The following FRAS1 variants were observed in gnomAD, a reference collection of about 807,000 sequenced individuals.
FRAS1 encodes the protein Fraser extracellular matrix complex subunit 1.
A neutral mutation model predicts 435.2 loss-of-function variants in FRAS1; 290 were observed. The ratio of observed to expected loss-of-function variants is 0.67; its 90% CI spans 0.61 to 0.73. The LOEUF is 0.73. Ranked by LOEUF, FRAS1 falls within the 30% of genes least tolerant of loss-of-function variation. FRAS1 has a pLI of 0.00. For synonymous variants in FRAS1, 1,800 were observed against 1,851.0 expected, an observed-to-expected ratio of 0.97 and a Z score of 0.71; for missense variants, 4,860 against 5,001.5, an observed-to-expected ratio of 0.97 and a Z score of 0.85.
At chr4:78,238,934 G>C (rs1160548274) in intron 3 of FRAS1, among the ~76,000 whole-genome samples, 1 of 151,972 alleles carries the variant, frequency 6.6e-6, no homozygotes, top group Non-Finnish European at 1.5e-5. Context: ...TTTACATTTT[G>C]AAATGATTGA....
intron 2 of FRAS1, among the ~76,000 whole-genome samples, chr4:78,116,428 G>T (rs911638639): frequency 6.6e-6 from 1 of 152,076 alleles, no homozygotes; most frequent in Non-Finnish European, 1.5e-5. Flanking sequence ...TTGACAGTGG[G>T]GTGTTAAAGT....
At chr4:78,536,756 A>G (rs1376775911) in intron 71 of FRAS1, among the ~76,000 whole-genome samples, 1 of 152,198 alleles carries the variant, frequency 6.6e-6, no homozygotes, top group Non-Finnish European at 1.5e-5. Context: ...ATTAATGCTT[A>G]TTGAAAAAAA....
intron 2 of FRAS1, among the ~76,000 whole-genome samples, chr4:78,075,689 G>A (rs1286667459): frequency 6.6e-6 from 1 of 152,160 alleles, no homozygotes; most frequent in East Asian, 1.9e-4. Context: ...CTGCTGCAAA[G>A]ATAAATGAGT....
At chr4:78,178,964 G>T (rs527241663) in intron 2 of FRAS1, among the ~76,000 whole-genome samples, 8 of 152,150 alleles carry the variant, frequency 5.3e-5, no homozygotes, top group Non-Finnish European at 8.8e-5. Flanking sequence ...TGTTCGAGGG[G>T]AGCGAAGGGC....
At position 78,057,778 on chromosome 4, in the gene FRAS1, C is replaced by G; in HGVS notation, c.-232C>G. ...GTTGGCGTCCTGCCTTGCGGGGGAA[C>G]TCGGCGCGCTCTCTGCCTGAGCAGC... On this transcript the variant is annotated 5_prime_UTR_variant, in exon 1 of 74. Transcript: ENST00000512123. The surrounding 1 kb of genome is among the most constrained non-coding windows in gnomAD (Gnocchi z 4.2). 1 of 546,316 alleles carries G rather than the reference C, an allele frequency of 1.8e-6. No individual in the cohort carries two copies. Among genetic ancestry groups the G allele is most frequent in the East Asian group, 2.9e-5 (1 of 34,306 alleles). The allele number at this position is 546,316 out of a possible 1,614,324, so 33.8% of individuals were successfully genotyped here.
intron 42 of FRAS1, chr4:78,446,374 AGAGTTCT>A: frequency 1.9e-6 from 2 of 1,070,296 alleles, no homozygotes; most frequent in African/African-American, 1.7e-5. Flanking sequence ...ATTTTCTAAG[AGAGTTCT>A]GAGTTATATT....
chr4:78,534,682 C>T (rs188153274), intron 71 of FRAS1, 67 bp downstream of exon 71: 411 of 1,466,144 alleles, frequency 2.8e-4, no homozygotes, highest in Middle Eastern at 5.7e-4. Flanking sequence ...GCTAAGTCAC[C>T]GGACTGGCAT....
chr4:78,086,715 G>T (rs1247816611), intron 2 of FRAS1, among the ~76,000 whole-genome samples: 2 of 152,088 alleles, frequency 1.3e-5, no homozygotes, highest in Non-Finnish European at 2.9e-5. Flanking sequence ...ACCCTCCCAA[G>T]ACCAAACCAG....
chr4:78,255,210 C>A (rs772886757), intron 5 of FRAS1, 32 bp from the exon 6 acceptor site: 3 of 1,551,108 alleles, frequency 1.9e-6, no homozygotes, highest in African/African-American at 2.7e-5. Context: ...AATGCCATCC[C>A]CCTAGTAATC....
intron 44 of FRAS1, among the ~76,000 whole-genome samples, chr4:78,449,657 C>A (rs189986132): frequency 1.4e-3 from 208 of 152,288 alleles, no homozygotes; most frequent in Middle Eastern, 6.8e-3. Flanking sequence ...GATCTCCTTG[C>A]TCCTAACATC....
chr4:78,195,158 C>A (rs1000868919), intron 2 of FRAS1, among the ~76,000 whole-genome samples: 1 of 152,126 alleles, frequency 6.6e-6, no homozygotes, highest in African/African-American at 2.4e-5. Context: ...AGTACCCGGC[C>A]GTGTGAGGTG....
chr4:78,331,765 G>A (rs1729959583), intron 18 of FRAS1, among the ~76,000 whole-genome samples: 1 of 152,156 alleles, frequency 6.6e-6, no homozygotes, highest in Admixed American at 6.5e-5. Context: ...ACTCATTATT[G>A]TATCCCCAGT....
chr4:78,316,488 T>C (rs188112698), intron 16 of FRAS1, among the ~76,000 whole-genome samples: 20 of 152,240 alleles, frequency 1.3e-4, no homozygotes, highest in Admixed American at 3.9e-4. Flanking sequence ...GTTCACCACC[T>C]TTCCTCTGTG....
At position 78,466,401 on chromosome 4, in the gene FRAS1, A is replaced by G. The variant is rs201277074; in HGVS notation, c.7223A>G (p.Asn2408Ser). The G allele has an allele frequency of 1.1e-3, 1,832 of 1,613,582 alleles. 4 individuals carry two copies. Among genetic ancestry groups the G allele is most frequent in the Non-Finnish European group, 1.5e-3 (1,788 of 1,179,796 alleles). Reference sequence around the variant, plus strand: ...ACCTTCACTGTTTCTGATGGGACAAACCCCTTCTTTATCATTGAGGAAGGG... The same window carrying G: ...ACCTTCACTGTTTCTGATGGGACAAGCCCCTTCTTTATCATTGAGGAAGGG... Reference protein sequence around the residue: ...RFTFTVSDGTNPFFIIEEGGK... With the variant: ...RFTFTVSDGTSPFFIIEEGGK... Residue 2408 changes from asparagine (N) to serine (S), a missense_variant, in exon 50 of 74, where the codon AAC becomes AGC. By Grantham distance (46) the Asn-to-Ser change is conservative (BLOSUM62 1). Coordinates refer to ENST00000512123, the MANE Select transcript of FRAS1 (RefSeq NM_025074.7).
Position 78,252,483 on chromosome 4 carries a change from C to T in FRAS1, c.401C>T (p.Ser134Leu), listed in dbSNP as rs753738200. The T allele has an allele frequency of 3.1e-6, 5 of 1,613,720 alleles. No homozygotes were observed. The Admixed American group carries it at 8.3e-5, about 27-fold the overall frequency. ...ACCCCCCAACCATGCCCACCGCTGT[C>T]ATGTGGACACCAGGAGCTGGCATTC... is the stretch of plus-strand genomic sequence containing the variant. ...RCTPQPCPPLSCGHQELAFIP... is the reference protein window; with the variant it reads ...RCTPQPCPPLLCGHQELAFIP... The change falls in exon 5 of 74, where the codon TCA becomes TTA. Residue 134 changes from serine (S) to leucine (L), a missense_variant. Coordinates refer to ENST00000512123, the MANE Select transcript of FRAS1 (RefSeq NM_025074.7).
chr4:78,253,855 T>G (rs1325735108), intron 5 of FRAS1, among the ~76,000 whole-genome samples: 4 of 148,338 alleles, frequency 2.7e-5, no homozygotes, highest in Non-Finnish European at 6.0e-5. Flanking sequence ...GCCTCCTTAG[T>G]GGACAGAAAA....
At chr4:78,267,639 C>A (rs548180892) in intron 9 of FRAS1, among the ~76,000 whole-genome samples, 2 of 152,332 alleles carry the variant, frequency 1.3e-5, no homozygotes, top group African/African-American at 4.8e-5. Context: ...CCCCCTGGAT[C>A]TTTTAGCTCT....
At chr4:78,519,551 G>A in intron 67 of FRAS1, 70 bp downstream of exon 67, 1 of 1,527,196 alleles carries the variant, frequency 6.5e-7, no homozygotes, top group Non-Finnish European at 8.9e-7. Flanking sequence ...AAGAAGAGTA[G>A]TGACTTTTAA....
chr4:78,516,834 C>A (rs1344690207), intron 66 of FRAS1, among the ~76,000 whole-genome samples: 1 of 152,202 alleles, frequency 6.6e-6, no homozygotes, highest in Non-Finnish European at 1.5e-5. Flanking sequence ...AATCACCTCC[C>A]ATCTGGTTCC....
Sources: gnomAD v4.1 joint callset for allele counts (sites outside exome capture counted in the v4.1 genomes callset) on GRCh38, gnomAD v4.1.1 for gene constraint, Gnocchi (gnomAD v3.1) non-coding constraint, MANE v1.5 for transcripts, NCBI Gene and HGNC (gene_info 2026-07-23, HGNC 2026-07-21) for gene names.